Variants in KLHL8 observed in about 807,000 individuals in gnomAD.
KLHL8 encodes kelch like family member 8.
Under a neutral mutation model 63.5 loss-of-function variants are expected in KLHL8, and 38 were observed. The observed-to-expected ratio is 0.60, with a 90% CI of 0.46 to 0.78. The LOEUF is 0.78. KLHL8 is among the 30% of genes least tolerant of loss of function. The pLI, the probability that KLHL8 is intolerant of heterozygous loss-of-function variation, is 0.00. For synonymous variants in KLHL8, 224 were observed against 254.3 expected, an observed-to-expected ratio of 0.88 and a Z score of 1.13; for missense variants, 566 against 752.4, an observed-to-expected ratio of 0.75 and a Z score of 2.90.
intron 1 of KLHL8, chr4:87,208,104 A>T: frequency 2.0e-6 from 1 of 509,886 alleles, no homozygotes; most frequent in Non-Finnish European, 3.8e-6. Context: ...CCACCAGACC[A>T]CCAGCCCCAG....
rs537353456 is a variant in KLHL8 at position 87,225,793 on chromosome 4, A to G, written n.58-4403T>C. 1.6e-3 allele frequency among the ~76,000 whole-genome samples: 237 copies of G among 152,342 alleles called. 1 individual carries two copies. The highest frequency in any genetic ancestry group is 5.4e-3 in the African/African-American group (224 of 41,572). On this transcript the variant is annotated intron_variant and non_coding_transcript_variant, in intron 1 of 1. Coordinates refer to the KLHL8 transcript ENST00000506274. ...CCACTGCTAGTTCTGTTGGTGCTCT[A>G]AATCATTTCTTTTGAAAATTACTAG...
chr4:87,239,686 C>T (rs1733294692), intron 1 of KLHL8, among the ~76,000 whole-genome samples: 1 of 152,114 alleles, frequency 6.6e-6, no homozygotes, highest in South Asian at 2.1e-4. Context: ...AACAATACAT[C>T]CTCAGAGGAT....
intron 8 of KLHL8, chr4:87,167,065 C>T: frequency 3.0e-6 from 1 of 335,640 alleles, no homozygotes; most frequent in Middle Eastern, 1.0e-3. Context: ...GACTCATGGC[C>T]TGTAACATGT....
rs140898788 is a variant in KLHL8, at chr4:87,170,187, C to G, written c.1429G>C (p.Val477Leu). The G allele has an allele frequency of 3.7e-6, 6 of 1,613,928 alleles. No homozygotes were observed. The South Asian group carries it at 6.6e-5, about 18-fold the overall frequency. The change falls in exon 8 of 10, where the codon GTG (valine) becomes CTG (leucine). Residue 477 changes from valine to leucine, a missense_variant. Transcript: ENST00000273963. ...GNDGMASLSS[V>L]ERYDPHLDKW... ...TCCAGATGTGGATCATATCTCTCCA[C>G]GCTAGATAAAGAAGCCATTCCATCA...
chr4:87,235,586 A>T (rs919561565), intron 1 of KLHL8, among the ~76,000 whole-genome samples: 2 of 152,202 alleles, frequency 1.3e-5, no homozygotes. Flanking sequence ...AGATGAATTG[A>T]ATAAACTACA....
chr4:87,210,297 G>A (rs2087126457), intron 1 of KLHL8, among the ~76,000 whole-genome samples: 1 of 152,118 alleles, frequency 6.6e-6, no homozygotes, highest in South Asian at 2.1e-4. Flanking sequence ...GGCTAACACG[G>A]TGAAACCGTC....
At chr4:87,234,138 C>T (rs1205935577) in intron 1 of KLHL8, among the ~76,000 whole-genome samples, 1 of 152,102 alleles carries the variant, frequency 6.6e-6, no homozygotes, top group African/African-American at 2.4e-5. Context: ...TGGGTGGTGT[C>T]ATAAGATTAT....
At position 87,195,363 on chromosome 4, in the gene KLHL8, T is replaced by C; in HGVS notation, c.177A>G (p.Arg59=). The C allele has an allele frequency of 6.2e-7, 1 of 1,613,038 alleles. No individual in the cohort carries two copies. The change falls in exon 2 of 10, where the codon CGA becomes CGG. Residue 59 remains arginine (R), a synonymous_variant. Coordinates refer to ENST00000273963, the MANE Select transcript of KLHL8 (RefSeq NM_020803.5). ...CACAGAGTTCTCCATTTTCATAAAA[T>C]CGAAGAAGAGAACCATGAAAATCTT... ...AWKDFHGSLL[R]FYENGELCDV...
At chr4:87,228,487 C>A (rs1238640587) in intron 1 of KLHL8, among the ~76,000 whole-genome samples, 1 of 152,148 alleles carries the variant, frequency 6.6e-6, no homozygotes, top group Non-Finnish European at 1.5e-5. Context: ...TGGCTTCTAC[C>A]AAAACAGTCT....
intron 8 of KLHL8, among the ~76,000 whole-genome samples, chr4:87,165,131 CAGAGCA>C (rs1730345391): frequency 1.8e-5 from 2 of 109,304 alleles, no homozygotes; most frequent in Non-Finnish European, 3.3e-5. Flanking sequence ...GCCTGGGCGA[CAGAGCA>C]AGACTCTGTC....
In KLHL8 at chr4:87,161,772, AC is replaced by A. The variant is rs1216502579; in HGVS notation, c.*1746del. 6.7e-6 allele frequency: 1 copy of A among 148,430 alleles called. No homozygotes were observed. Among genetic ancestry groups the A allele is most frequent in the African/African-American group, 2.6e-5 (1 of 38,052 alleles). The allele number at this position is 148,430 out of a possible 1,614,324, so 9.2% of individuals were successfully genotyped here. ...TACAGGGTTAACTGCCTCTGGACTG[AC>A]TGAAATATGGTTGTACTTACACAAA... On this transcript the variant is annotated 3_prime_UTR_variant, in exon 10 of 10. Transcript: ENST00000273963.
intron 2 of KLHL8, among the ~76,000 whole-genome samples, chr4:87,186,088 G>A (rs1214305123): frequency 1.3e-5 from 2 of 151,978 alleles, no homozygotes; most frequent in African/African-American, 4.8e-5. Context: ...GCCCAGGCTG[G>A]AGAGCAGCGG....
chr4:87,181,765 C>A (rs17755195), intron 4 of KLHL8, among the ~76,000 whole-genome samples: 12,058 of 152,144 alleles, frequency 0.079, 647 homozygotes, highest in Non-Finnish European at 0.12. Context: ...CTAAAACCTA[C>A]TACATAAAGT....
intron 1 of KLHL8, among the ~76,000 whole-genome samples, chr4:87,235,045 A>C (rs1234185156): frequency 6.6e-6 from 1 of 152,256 alleles, no homozygotes; most frequent in Non-Finnish European, 1.5e-5. Flanking sequence ...AAATAATTAC[A>C]GTAAGCTAGG....
intron 1 of KLHL8, among the ~76,000 whole-genome samples, chr4:87,225,698 A>G (rs2110065731): frequency 6.6e-6 from 1 of 152,292 alleles, no homozygotes; most frequent in East Asian, 1.9e-4. Flanking sequence ...TCCACTGAAT[A>G]TCTATTTTAG....
intron 2 of KLHL8, among the ~76,000 whole-genome samples, chr4:87,190,214 A>G (rs938660500): frequency 3.3e-5 from 5 of 152,114 alleles, no homozygotes; most frequent in African/African-American, 1.2e-4. Flanking sequence ...TTTACTCTAC[A>G]TGTATATTAT....
intron 1 of KLHL8, among the ~76,000 whole-genome samples, chr4:87,215,876 T>C (rs143698542): frequency 1.1e-3 from 168 of 152,288 alleles, no homozygotes; most frequent in African/African-American, 3.8e-3. Flanking sequence ...GTACTAAAAG[T>C]CAAAGTGATC....
At chr4:87,177,031 G>GA (rs1201294548) in intron 5 of KLHL8, among the ~76,000 whole-genome samples, 163 bp from the exon 6 acceptor site, 1 of 152,128 alleles carries the variant, frequency 6.6e-6, no homozygotes, top group African/African-American at 2.4e-5. Context: ...GTAGTTGAAT[G>GA]AAAAATCAAT....
chr4:87,168,706 A>G (rs559867267), intron 8 of KLHL8, among the ~76,000 whole-genome samples: 10 of 146,158 alleles, frequency 6.8e-5, no homozygotes, highest in Non-Finnish European at 9.0e-5. Flanking sequence ...ACGTATATAT[A>G]TGTGTATATA....
Sources: allele counts gnomAD v4.1 joint callset (sites outside exome capture counted in the v4.1 genomes callset), GRCh38; gene constraint gnomAD v4.1.1; transcripts MANE v1.5; gene names NCBI Gene and HGNC (gene_info 2026-07-23, HGNC 2026-07-21).